The following SPATA6L variants were observed in gnomAD, a reference collection of about 807,000 sequenced individuals.
The protein encoded by SPATA6L is spermatogenesis associated 6 like.
A neutral mutation model predicts 49.2 loss-of-function variants in SPATA6L; 68 were observed. That is an observed-to-expected ratio of 1.38 (90% CI 1.14 to 1.69). The LOEUF is 1.69. Ranked by LOEUF, SPATA6L falls within the 40% of genes most tolerant of loss-of-function variation. SPATA6L has a pLI of 0.00. For missense variants in SPATA6L, 668 were observed against 464.3 expected (o/e 1.44, Z -4.03); for synonymous variants, 198 against 165.7 (o/e 1.19, Z -1.50).
In SPATA6L at chr9:4,635,273, A is replaced by T. The variant is rs1170040211; in HGVS notation, c.351+2T>A. On this transcript the variant is annotated splice_donor_variant, in intron 4 of 11. Transcript: ENST00000682582. LOFTEE classifies it high-confidence loss of function. The stretch of plus-strand genomic sequence containing the variant: ...AAGCCCAGATGAGCATGAATCACTT[A>T]CTGGAAAACCCAGAGCCGTCTTCAT... The T allele has an allele frequency of 1.3e-6, 2 of 1,512,456 alleles. No individual in the cohort carries two copies. Among genetic ancestry groups the T allele is most frequent in the Non-Finnish European group, 1.8e-6 (2 of 1,142,190 alleles). The allele number at this position is 1,512,456 out of a possible 1,614,324, so 93.7% of individuals were successfully genotyped here. A position where few individuals can be genotyped will look rare whatever the true frequency, so the allele number is the denominator to read the frequency against.
Position 4,629,769 on chromosome 9 carries a change from G to GTGTGTGTGTGTATA in SPATA6L, c.352-602_352-601insTATACACACACACA, listed in dbSNP as rs1311805859. On this transcript the variant is annotated intron_variant, in intron 4 of 11. Coordinates refer to ENST00000682582, the MANE Select transcript of SPATA6L (RefSeq NM_001353486.2). ...GTGTTTTATATATGTGTGTGTGTGT[G>GTGTGTGTGTGTATA]TATATATATATATATATATATATAT... Among the ~76,000 whole-genome samples the GTGTGTGTGTGTATA allele has an allele frequency of 1.0e-3, 104 of 101,908 alleles. 1 individual carries two copies. In the Middle Eastern group the frequency reaches 0.022, roughly 22 times the overall value. 66.9% of individuals were successfully genotyped at this position (101,908 alleles called of 152,430 possible). A position where few individuals can be genotyped will look rare whatever the true frequency, so the allele number is the denominator to read the frequency against.
At chr9:4,629,785 A>G (rs1282290691) in intron 4 of SPATA6L, among the ~76,000 whole-genome samples, 4 of 144,702 alleles carry the variant, frequency 2.8e-5, no homozygotes, top group Admixed American at 1.4e-4. Context: ...ATATATATAT[A>G]TATATATATA....
downstream of SPATA6L, among the ~76,000 whole-genome samples, chr9:4,597,926 ACTGG>A (rs1441085607): frequency 6.6e-6 from 1 of 152,236 alleles, no homozygotes; most frequent in African/African-American, 2.4e-5. Flanking sequence ...TCAGGGGAGT[ACTGG>A]CTATACTGAG....
chr9:4,614,337 A>T (rs952223684), intron 9 of SPATA6L, among the ~76,000 whole-genome samples: 13 of 152,194 alleles, frequency 8.5e-5, no homozygotes, highest in African/African-American at 2.9e-4. Flanking sequence ...CTCCCAACTC[A>T]TCCTTATGAC....
At chr9:4,624,127 T>TAA (rs1010869491) in intron 6 of SPATA6L, among the ~76,000 whole-genome samples, 3 of 152,230 alleles carry the variant, frequency 2.0e-5, no homozygotes, top group African/African-American at 7.2e-5. Context: ...AATATCAACT[T>TAA]AATGATACTA....
intron 2 of SPATA6L, among the ~76,000 whole-genome samples, chr9:4,658,374 AT>A (rs1347319226): frequency 6.6e-6 from 1 of 152,214 alleles, no homozygotes; most frequent in South Asian, 2.1e-4. Flanking sequence ...GGAAAAGAAA[AT>A]TTTTTCACTA....
Position 4,600,686 on chromosome 9 carries a change from T to C in SPATA6L, c.*125A>G, listed in dbSNP as rs1193429415. On this transcript the variant is annotated 3_prime_UTR_variant, in exon 12 of 12. Coordinates refer to ENST00000682582, the MANE Select transcript of SPATA6L (RefSeq NM_001353486.2). The stretch of plus-strand genomic sequence containing the variant: ...AAAAGACTGAGTACAGGGTTTGGTT[T>C]AAAGGGGATTAGACATCAGTGACTC... 6.6e-6 allele frequency: 1 copy of C among 152,204 alleles called. No individual in the cohort carries two copies. The highest frequency in any genetic ancestry group is 1.5e-5 in the Non-Finnish European group (1 of 68,040). The allele number at this position is 152,204 out of a possible 1,614,324, so 9.4% of individuals were successfully genotyped here. A position where few individuals can be genotyped will look rare whatever the true frequency, so the allele number is the denominator to read the frequency against.
At chr9:4,656,931 G>A (rs762854977) in intron 2 of SPATA6L, among the ~76,000 whole-genome samples, 3 of 132,156 alleles carry the variant, frequency 2.3e-5, no homozygotes, top group Non-Finnish European at 4.5e-5. Context: ...CTAAGTACTA[G>A]CAACTAGCAG....
chr9:4,662,515 G>C lies in SPATA6L; in HGVS notation c.40-479C>G. 1 of 1,559,990 alleles carries C rather than the reference G, an allele frequency of 6.4e-7. No individual in the cohort carries two copies. Among genetic ancestry groups the C allele is most frequent in the Admixed American group, 1.8e-5 (1 of 54,790 alleles). ...GAGTTCCAGTCCCTGCTCAGCAGCC[G>C]CGCCACGGCCGTGGACCCCACCTGC... is the stretch of plus-strand genomic sequence containing the variant. On this transcript the variant is annotated intron_variant, in intron 1 of 11. Coordinates refer to ENST00000682582, the MANE Select transcript of SPATA6L (RefSeq NM_001353486.2). This position sits in a 1 kb window ranked among gnomAD's most constrained non-coding sequence, Gnocchi z 4.9.
At chr9:4,591,770 C>T (rs1455254136) in intron 13 of SPATA6L, among the ~76,000 whole-genome samples, 2 of 152,140 alleles carry the variant, frequency 1.3e-5, no homozygotes, top group Non-Finnish European at 2.9e-5. Context: ...CAAATAAGGC[C>T]GACTCAGCCT....
At chr9:4,630,371 C>T (rs1831276155) in intron 4 of SPATA6L, among the ~76,000 whole-genome samples, 1 of 152,178 alleles carries the variant, frequency 6.6e-6, no homozygotes, top group Admixed American at 6.5e-5. Flanking sequence ...CCCAAATTTA[C>T]AAGGTTTATA....
chr9:4,651,951 G>A (rs922544417), intron 3 of SPATA6L, among the ~76,000 whole-genome samples: 1 of 152,134 alleles, frequency 6.6e-6, no homozygotes, highest in African/African-American at 2.4e-5. Context: ...TCTAGCCAGG[G>A]AAATTAGACA....
At chr9:4,606,232 G>C (rs570233431) in intron 9 of SPATA6L, among the ~76,000 whole-genome samples, 1 of 147,528 alleles carries the variant, frequency 6.8e-6, no homozygotes, top group African/African-American at 2.6e-5. Flanking sequence ...AGGGGCGCCC[G>C]CCATTGCCCA....
chr9:4,647,730 T>C (rs1201242561), intron 3 of SPATA6L, among the ~76,000 whole-genome samples: 5 of 152,176 alleles, frequency 3.3e-5, no homozygotes, highest in African/African-American at 1.2e-4. Flanking sequence ...AAAATTCAGA[T>C]CTTTAAGATA....
chr9:4,627,974 T>C (rs1830667057), intron 5 of SPATA6L: 1 of 404,552 alleles, frequency 2.5e-6, no homozygotes, highest in Non-Finnish European at 4.6e-6. Context: ...TTGAGGCCAT[T>C]ATATCAAGTG....
At chr9:4,641,817 A>T (rs1028831948) in intron 3 of SPATA6L, among the ~76,000 whole-genome samples, 1 of 152,188 alleles carries the variant, frequency 6.6e-6, no homozygotes, top group African/African-American at 2.4e-5. Context: ...CTGTTGCCCA[A>T]GCTGGAGTGC....
chr9:4,623,453 T>A (rs1232818865), intron 6 of SPATA6L, among the ~76,000 whole-genome samples: 2 of 151,792 alleles, frequency 1.3e-5, no homozygotes, highest in African/African-American at 4.9e-5. Flanking sequence ...GAGTTGCTGA[T>A]TTGTTTTTTA....
Position 4,598,354 on chromosome 9 carries a change from G to C in SPATA6L, c.*2457C>G, listed in dbSNP as rs893945153. On this transcript the variant is annotated 3_prime_UTR_variant, in exon 12 of 12. Transcript: ENST00000682582. ...GTTTAATGACACAGATCTTCCCAAA[G>C]TAATCCAAACCCCAAAACATCACAA... is the stretch of plus-strand genomic sequence containing the variant. Among the ~76,000 whole-genome samples, 2 of 152,180 alleles carry C rather than the reference G, an allele frequency of 1.3e-5. No homozygotes were observed. The highest frequency in any genetic ancestry group is 2.9e-5 in the Non-Finnish European group (2 of 68,020).
At chr9:4,663,172 T>G in intron 1 of SPATA6L, 3 of 1,614,172 alleles carry the variant, frequency 1.9e-6, no homozygotes, top group Non-Finnish European at 2.5e-6. Flanking sequence ...TTTGGCTTTT[T>G]TCTGGGCTAC....
Sources: gnomAD v4.1 joint callset for allele counts (sites outside exome capture counted in the v4.1 genomes callset) on GRCh38, gnomAD v4.1.1 for gene constraint, Gnocchi (gnomAD v3.1) non-coding constraint, MANE v1.5 for transcripts, NCBI Gene and HGNC (gene_info 2026-07-23, HGNC 2026-07-21) for gene names.